The following PAFAH2 variants were observed in gnomAD, a reference collection of about 807,000 sequenced individuals.
The protein encoded by PAFAH2 is platelet activating factor acetylhydrolase 2.
PAFAH2 carries 42 observed loss-of-function variants against 49.0 expected under a neutral mutation model. The observed-to-expected ratio is 0.86, with a 90% CI of 0.67 to 1.11. The LOEUF (loss-of-function observed/expected upper bound fraction) is 1.11, where lower values mean the gene tolerates loss of function less well. Ranked by LOEUF, PAFAH2 falls within the 50% of genes least tolerant of loss-of-function variation. The probability of loss-of-function intolerance (pLI) is 0.00; values close to 1 mark genes in which losing one functional copy is unlikely to be tolerated. For missense variants in PAFAH2, 503 were observed against 501.8 expected, an observed-to-expected ratio of 1.00 and a Z score of -0.02; for synonymous variants, 184 against 181.3, an observed-to-expected ratio of 1.01 and a Z score of -0.12.
At chr1:25,976,386 C>G (rs1444632315) in intron 8 of PAFAH2, among the ~76,000 whole-genome samples, 1 of 152,098 alleles carries the variant, frequency 6.6e-6, no homozygotes, top group Admixed American at 6.6e-5. Context: ...TTCAAGCAAT[C>G]CTCCTGCCTC....
intron 7 of PAFAH2, among the ~76,000 whole-genome samples, chr1:25,977,658 A>G (rs1572350912): frequency 1.3e-5 from 2 of 151,554 alleles, no homozygotes; most frequent in East Asian, 3.9e-4. Flanking sequence ...GTCTCCAAAA[A>G]AAAAAAAAAA....
intron 1 of PAFAH2, among the ~76,000 whole-genome samples, chr1:25,995,778 G>A (rs1001832499): frequency 1.3e-5 from 2 of 152,206 alleles, no homozygotes; most frequent in East Asian, 1.9e-4. Context: ...GATCTACTCC[G>A]GGGGTAAAGA....
intron 3 of PAFAH2, among the ~76,000 whole-genome samples, chr1:25,989,109 T>C (rs2049833888): frequency 6.6e-6 from 1 of 152,192 alleles, no homozygotes; most frequent in African/African-American, 2.4e-5. Flanking sequence ...GTGCCATTTA[T>C]GGAACACATT....
chr1:25,984,431 C>A (rs1331097355), intron 5 of PAFAH2, 29 bp downstream of exon 5: 1 of 1,575,798 alleles, frequency 6.3e-7, no homozygotes, highest in African/African-American at 1.3e-5. Context: ...TCACTGCAGG[C>A]ACCCAATCCA....
intron 7 of PAFAH2, among the ~76,000 whole-genome samples, chr1:25,978,767 G>A (rs1333792159): frequency 6.6e-6 from 1 of 152,314 alleles, no homozygotes. Flanking sequence ...TCCCTGAGTT[G>A]CCTCTTACAC....
chr1:25,972,633 G>T lies in PAFAH2; in HGVS notation c.1009C>A (p.Arg337Ser), dbSNP rs761499257. Residue 337 changes from arginine to serine, a missense_variant, in exon 10 of 11, where the codon CGT (arginine) becomes AGT (serine). Coordinates refer to ENST00000374282, the MANE Select transcript of PAFAH2 (RefSeq NM_000437.4). ...LIGKFFSTET[R>S]GSLDPYEGQE... ...CCTTCATAGGGGTCCAGGCTCCCAC[G>T]GGTTTCAGTGGAGAAGAATTTACCA... is the stretch of plus-strand genomic sequence containing the variant. 6.2e-7 allele frequency: 1 copy of T among 1,613,806 alleles called. No homozygotes were observed. The highest frequency in any genetic ancestry group is 1.3e-5 in the African/African-American group (1 of 75,016).
At position 25,989,500 on chromosome 1, in the gene PAFAH2, C is replaced by T; in HGVS notation, c.192G>A (p.Glu64=). The change falls in exon 3 of 11, where the codon GAG becomes GAA. Residue 64 remains glutamate (E), a synonymous_variant. Coordinates refer to ENST00000374282, the MANE Select transcript of PAFAH2 (RefSeq NM_000437.4). ...PRYEYCTGLA[E]YLQFNKRCGG... ...CGCAGCGCTTATTAAACTGCAGGTA[C>T]TCGGCCAGGCCAGTGCAGTACTCAT... 1 of 1,611,886 alleles carries T rather than the reference C, an allele frequency of 6.2e-7. No individual in the cohort carries two copies. Among genetic ancestry groups the T allele is most frequent in the Non-Finnish European group, 8.5e-7 (1 of 1,178,812 alleles).
Position 25,961,924 on chromosome 1 carries a change from G to C in PAFAH2, c.*65C>G. On this transcript the variant is annotated 3_prime_UTR_variant, in exon 11 of 11. Coordinates refer to ENST00000374282, the MANE Select transcript of PAFAH2 (RefSeq NM_000437.4). ...GATCACTTCTTGATAGGAGCTCATG[G>C]GTGCCCTTGGGTAGCTCCCAAATGA... The C allele has an allele frequency of 1.7e-6, 2 of 1,172,714 alleles. No individual in the cohort carries two copies. Among genetic ancestry groups the C allele is most frequent in the South Asian group, 1.2e-5 (1 of 80,474 alleles). 72.6% of individuals were successfully genotyped at this position (1,172,714 alleles called of 1,614,324 possible).
chr1:25,989,376 G>A (rs1368216269), intron 3 of PAFAH2, 72 bp downstream of exon 3: 18 of 1,410,222 alleles, frequency 1.3e-5, no homozygotes, highest in Non-Finnish European at 1.6e-5. Context: ...AAGGTACTGC[G>A]TCCACCTGGG....
intron 4 of PAFAH2, among the ~76,000 whole-genome samples, chr1:25,987,515 A>C (rs757938732): frequency 6.6e-6 from 1 of 152,088 alleles, no homozygotes; most frequent in Non-Finnish European, 1.5e-5. Flanking sequence ...CTGGCTCCAC[A>C]AGTGCAGGGA....
At chr1:25,963,082 G>A (rs971861234) in intron 10 of PAFAH2, among the ~76,000 whole-genome samples, 1 of 152,128 alleles carries the variant, frequency 6.6e-6, no homozygotes, top group Non-Finnish European at 1.5e-5. Context: ...TCAGGCTGAG[G>A]GAGCAGGGCA....
chr1:25,981,838 T>C (rs1468601338), intron 7 of PAFAH2, among the ~76,000 whole-genome samples: 3 of 152,050 alleles, frequency 2.0e-5, no homozygotes, highest in Non-Finnish European at 4.4e-5. Flanking sequence ...CTGGCCAACA[T>C]GGTGAAACCC....
chr1:25,987,369 A>G (rs972713434), intron 4 of PAFAH2, among the ~76,000 whole-genome samples: 3 of 152,226 alleles, frequency 2.0e-5, no homozygotes, highest in Non-Finnish European at 1.5e-5. Context: ...TGAGATGTGC[A>G]ACATTCTGGG....
chr1:25,974,489 A>G lies in PAFAH2; in HGVS notation c.920T>C (p.Ile307Thr). Residue 307 changes from isoleucine (I) to threonine (T), a missense_variant, in exon 9 of 11, where the codon ATA becomes ACA. Ile to Thr is a moderately conservative substitution (Grantham distance 89). Transcript: ENST00000374282. ...CTTGTGGTTTACTCACAGAACGGTT[A>G]TGATCCTAGACTGTTCATGCTGGGC... Reference protein sequence around the residue: ...ICAQHEQSRIITVLGSVHRSQ... With the variant: ...ICAQHEQSRITTVLGSVHRSQ... 6.2e-7 allele frequency: 1 copy of G among 1,607,504 alleles called. No individual in the cohort carries two copies. Among genetic ancestry groups the G allele is most frequent in the Non-Finnish European group, 8.5e-7 (1 of 1,176,760 alleles).
intron 1 of PAFAH2, among the ~76,000 whole-genome samples, chr1:25,994,513 C>A (rs2049914299): frequency 1.3e-5 from 2 of 152,114 alleles, no homozygotes; most frequent in South Asian, 4.1e-4. Context: ...CACTATCCAT[C>A]CTCACAGGGT....
chr1:25,992,023 A>G (rs944474820), intron 1 of PAFAH2, among the ~76,000 whole-genome samples: 1 of 152,202 alleles, frequency 6.6e-6, no homozygotes, highest in Non-Finnish European at 1.5e-5. Flanking sequence ...TAAGTTCTTA[A>G]CCATTACTGA....
chr1:25,963,757 T>C (rs1373318893), intron 10 of PAFAH2, among the ~76,000 whole-genome samples: 1 of 152,238 alleles, frequency 6.6e-6, no homozygotes. Flanking sequence ...CGCCTCGGCC[T>C]CCCAAAGTGT....
At chr1:25,989,256 G>A (rs975493543) in intron 3 of PAFAH2, among the ~76,000 whole-genome samples, 192 bp downstream of exon 3, 1 of 152,158 alleles carries the variant, frequency 6.6e-6, no homozygotes, top group African/African-American at 2.4e-5. Flanking sequence ...TTGAATCCAG[G>A]AAAGTCTAAC....
At chr1:25,988,613 C>T (rs1022065443) in intron 3 of PAFAH2, among the ~76,000 whole-genome samples, 6 of 151,734 alleles carry the variant, frequency 4.0e-5, no homozygotes, top group African/African-American at 1.5e-4. Context: ...AAGAGACCAG[C>T]CTGGCCAAGT....
Sources: allele counts gnomAD v4.1 joint callset (sites outside exome capture counted in the v4.1 genomes callset), GRCh38; gene constraint gnomAD v4.1.1; transcripts MANE v1.5; gene names NCBI Gene and HGNC (gene_info 2026-07-23, HGNC 2026-07-21).